SLC2A3: variants seen among roughly 807,000 people sequenced by gnomAD.
The protein encoded by SLC2A3 is solute carrier family 2 member 3.
A neutral mutation model predicts 46.4 loss-of-function variants in SLC2A3; 21 were observed. That is an observed-to-expected ratio of 0.45 (90% CI 0.32 to 0.65). The LOEUF (loss-of-function observed/expected upper bound fraction) is 0.65, where lower values mean the gene tolerates loss of function less well. Ranked by LOEUF, SLC2A3 falls within the 30% of genes least tolerant of loss-of-function variation. The probability of loss-of-function intolerance (pLI) is 0.04; values close to 1 mark genes in which losing one functional copy is unlikely to be tolerated. For synonymous variants in SLC2A3, 213 were observed against 239.4 expected (o/e 0.89, Z 1.02); for missense variants, 499 against 623.3 (o/e 0.80, Z 2.12).
chr12:7,932,177 CTTTT>C (rs1306277283), intron 3 of SLC2A3, among the ~76,000 whole-genome samples: 1 of 141,078 alleles, frequency 7.1e-6, no homozygotes, highest in South Asian at 2.2e-4. Flanking sequence ...ACGGCACCGG[CTTTT>C]TTTTTTTTGA....
intron 1 of SLC2A3, among the ~76,000 whole-genome samples, chr12:7,934,593 C>T (rs1410079815): frequency 6.6e-6 from 1 of 152,120 alleles, no homozygotes; most frequent in Non-Finnish European, 1.5e-5. Context: ...GTCATCTTCA[C>T]CTTGCCTGGA....
intron 1 of SLC2A3, among the ~76,000 whole-genome samples, chr12:7,934,590 TC>T (rs896965701): frequency 6.6e-6 from 1 of 152,106 alleles, no homozygotes; most frequent in Non-Finnish European, 1.5e-5. Context: ...CCGGTCATCT[TC>T]ACCTTGCCTG....
rs1423782271 is a variant in SLC2A3, at chr12:7,931,391, G to A, written c.364C>T (p.Leu122=). ...AAGAGGCCAATAACCAAGCGACCCA[G>A]GATCAGCATTTCAACCGACTTAGCT... ...KVAKSVEMLI[L]GRLVIGLFCG... is the part of the protein sequence containing the mutation. Residue 122 remains leucine, a synonymous_variant, in exon 4 of 10, where the codon CTG becomes TTG. Coordinates refer to ENST00000075120, the MANE Select transcript of SLC2A3 (RefSeq NM_006931.3). The A allele has an allele frequency of 1.9e-6, 3 of 1,614,112 alleles. No individual in the cohort carries two copies. Among genetic ancestry groups the A allele is most frequent in the Admixed American group, 3.3e-5 (2 of 60,018 alleles).
chr12:7,927,202 T>C (rs1053056081), intron 6 of SLC2A3, among the ~76,000 whole-genome samples: 7 of 152,140 alleles, frequency 4.6e-5, no homozygotes, highest in Non-Finnish European at 7.3e-5. Context: ...GTAGAGTCAT[T>C]ATTGAAAAAC....
At chr12:7,923,623 ATT>A (rs397955646) in intron 8 of SLC2A3, among the ~76,000 whole-genome samples, 31 of 151,452 alleles carry the variant, frequency 2.0e-4, no homozygotes, top group East Asian at 9.8e-4. Context: ...CAAAAAAAAA[ATT>A]TTTTTTTGTT....
chr12:7,932,749 G>C (rs1338728939), intron 3 of SLC2A3: 1 of 506,592 alleles, frequency 2.0e-6, no homozygotes, highest in African/African-American at 1.9e-5. Flanking sequence ...TCCCTAGCTG[G>C]ACTGCAAAGG....
intron 1 of SLC2A3, among the ~76,000 whole-genome samples, chr12:7,935,569 C>T (rs1374923515): frequency 6.6e-6 from 1 of 152,162 alleles, no homozygotes; most frequent in Admixed American, 6.5e-5. Flanking sequence ...ATTCTTTCTC[C>T]TTAGCATCCA....
chr12:7,933,319 T>C, intron 2 of SLC2A3, 172 bp from the exon 3 acceptor site: 1 of 825,892 alleles, frequency 1.2e-6, no homozygotes, highest in East Asian at 2.7e-5. Context: ...ATAGTAATTC[T>C]ATTTGTCCTG....
At chr12:7,933,927 A>G in intron 1 of SLC2A3, 25 bp from the exon 2 acceptor site, 1 of 1,600,404 alleles carries the variant, frequency 6.2e-7, no homozygotes, top group Non-Finnish European at 8.6e-7. Flanking sequence ...GACAGAGGAG[A>G]GAATAGTCCT....
intron 1 of SLC2A3, 133 bp downstream of exon 1, chr12:7,935,887 G>T: frequency 1.3e-6 from 1 of 777,238 alleles, no homozygotes; most frequent in South Asian, 1.4e-5. Flanking sequence ...GTGCAGGCTA[G>T]AGACGAAATG....
At chr12:7,922,525 G>A (rs1404233916) in intron 9 of SLC2A3, among the ~76,000 whole-genome samples, 3 of 152,024 alleles carry the variant, frequency 2.0e-5, no homozygotes, top group Non-Finnish European at 2.9e-5. Context: ...GCAGTAACGC[G>A]ATCTCAGCTC....
chr12:7,926,216 TGAGTAGCTG>T (rs1946093541), intron 6 of SLC2A3, among the ~76,000 whole-genome samples: 1 of 152,020 alleles, frequency 6.6e-6, no homozygotes, highest in South Asian at 2.1e-4. Context: ...CTCAGCCTCC[TGAGTAGCTG>T]GACTACAGGT....
chr12:7,931,388 C>G lies in SLC2A3; in HGVS notation c.367G>C (p.Gly123Arg). The G allele has an allele frequency of 6.2e-7, 1 of 1,614,146 alleles. No individual in the cohort carries two copies. Among genetic ancestry groups the G allele is most frequent in the Non-Finnish European group, 8.5e-7 (1 of 1,180,020 alleles). The change falls in exon 4 of 10, where the codon GGT (glycine) becomes CGT (arginine). Residue 123 changes from glycine (G) to arginine (R), a missense_variant. Gly to Arg is a moderately radical substitution (Grantham distance 125). Around this residue, in one of 5 missense-constraint regions of SLC2A3, gnomAD observed 248 missense variants for 284.0 expected, o/e 0.87. Transcript: ENST00000075120. Reference protein sequence around the residue: ...VAKSVEMLILGRLVIGLFCGL... With the variant: ...VAKSVEMLILRRLVIGLFCGL... ...CAGAAGAGGCCAATAACCAAGCGAC[C>G]CAGGATCAGCATTTCAACCGACTTA... is the stretch of plus-strand genomic sequence containing the variant.
chr12:7,923,088 C>T (rs1008428627), intron 8 of SLC2A3, 64 bp from the exon 9 acceptor site: 13 of 1,464,530 alleles, frequency 8.9e-6, no homozygotes, highest in South Asian at 1.3e-5. Flanking sequence ...TCTAGGTTCC[C>T]AGAAGCAATT....
intron 6 of SLC2A3, 81 bp downstream of exon 6, chr12:7,929,603 T>C: frequency 6.4e-7 from 1 of 1,552,166 alleles, no homozygotes; most frequent in South Asian, 1.2e-5. Context: ...TAGCTGGGAC[T>C]ACAGAGGCAC....
At position 7,922,791 on chromosome 12, in the gene SLC2A3, C is replaced by G. The variant is rs201229664; in HGVS notation, c.1272+30G>C. 13 of 1,613,466 alleles carry G rather than the reference C, an allele frequency of 8.1e-6. No individual in the cohort carries two copies. In the Admixed American group the frequency reaches 1.7e-4, roughly 21 times the overall value. On this transcript the variant is annotated intron_variant, in intron 9 of 9. Coordinates refer to ENST00000075120, the MANE Select transcript of SLC2A3 (RefSeq NM_006931.3). ...GTATCTTCATGTCAGCTTACATAGG[C>G]TGGTTTTAAGATAAGGTGAGTTTAC...
intron 3 of SLC2A3, 40 bp downstream of exon 3, chr12:7,932,947 C>T: frequency 1.9e-6 from 3 of 1,610,400 alleles, no homozygotes; most frequent in Non-Finnish European, 2.5e-6. Context: ...CTCAATGTGG[C>T]TGGTAGAGCC....
At chr12:7,923,623 AT>A (rs397955646) in intron 8 of SLC2A3, among the ~76,000 whole-genome samples, 2 of 151,336 alleles carry the variant, frequency 1.3e-5, no homozygotes, top group Admixed American at 6.6e-5. Context: ...CAAAAAAAAA[AT>A]TTTTTTTTGT....
In SLC2A3 at chr12:7,921,304, T is replaced by TTAA. The variant is rs1946034492; in HGVS notation, c.*106_*108dup. Reference sequence around the variant, plus strand: ...TGGAGTGCGTGGGATGAGAAAGGAATTAAGTAGCAGCATTCAGAAGCGTCC... The same window carrying TTAA: ...TGGAGTGCGTGGGATGAGAAAGGAATTAATAAGTAGCAGCATTCAGAAGCGTCC... On this transcript the variant is annotated 3_prime_UTR_variant, in exon 10 of 10. Transcript: ENST00000075120. 1.3e-6 allele frequency: 2 copies of TTAA among 1,573,286 alleles called. No individual in the cohort carries two copies. The highest frequency in any genetic ancestry group is 1.7e-6 in the Non-Finnish European group (2 of 1,158,628).
Sources: allele counts gnomAD v4.1 joint callset (sites outside exome capture counted in the v4.1 genomes callset), GRCh38; gene constraint gnomAD v4.1.1; regional missense constraint gnomAD v4.1.1; transcripts MANE v1.5; gene names NCBI Gene and HGNC (gene_info 2026-07-23, HGNC 2026-07-21).